Variants in KIAA1549L observed in about 807,000 individuals in gnomAD.
The protein encoded by KIAA1549L is KIAA1549 like, also known as UPF0606 protein KIAA1549L.
In KIAA1549L, 88 loss-of-function variants were observed where a neutral mutation model predicts 160.7. The observed-to-expected ratio is 0.55, with a 90% CI of 0.46 to 0.65. The LOEUF (loss-of-function observed/expected upper bound fraction) is 0.65. Ranked by LOEUF, KIAA1549L falls within the 30% of genes least tolerant of loss-of-function variation. The pLI is 0.00. For missense variants in KIAA1549L, 2,258 were observed against 2,437.5 expected, an observed-to-expected ratio of 0.93 and a Z score of 1.55; for synonymous variants, 950 against 976.7, an observed-to-expected ratio of 0.97 and a Z score of 0.51.
At chr11:33,419,145 T>A (rs1040606031) in intron 1 of KIAA1549L, among the ~76,000 whole-genome samples, 1 of 152,190 alleles carries the variant, frequency 6.6e-6, no homozygotes, top group African/African-American at 2.4e-5. Context: ...AGTGCTGGGA[T>A]TACAGGCATG....
At chr11:33,381,099 G>T (rs1028601391) in intron 1 of KIAA1549L, among the ~76,000 whole-genome samples, 1 of 151,972 alleles carries the variant, frequency 6.6e-6, no homozygotes, top group Admixed American at 6.6e-5. Context: ...TACCAGTCAC[G>T]TGAAGATCTC....
chr11:33,582,427 A>G (rs570440285), intron 10 of KIAA1549L, among the ~76,000 whole-genome samples: 1 of 152,342 alleles, frequency 6.6e-6, no homozygotes, highest in East Asian at 1.9e-4. Flanking sequence ...CAAGTTCAGC[A>G]GGATCAGGAG....
chr11:33,654,539 C>T (rs2133428501), intron 17 of KIAA1549L, among the ~76,000 whole-genome samples: 1 of 152,320 alleles, frequency 6.6e-6, no homozygotes, highest in Admixed American at 6.5e-5. Flanking sequence ...TCATTGCCAT[C>T]CATCCTCCCT....
intron 1 of KIAA1549L, among the ~76,000 whole-genome samples, chr11:33,392,347 A>G (rs1470364524): frequency 1.3e-5 from 2 of 152,182 alleles, no homozygotes; most frequent in East Asian, 1.9e-4. Flanking sequence ...CTATCCATCA[A>G]TTCATCTTAT....
chr11:33,589,181 C>T (rs1040099956), intron 11 of KIAA1549L, among the ~76,000 whole-genome samples: 1 of 152,128 alleles, frequency 6.6e-6, no homozygotes, highest in African/African-American at 2.4e-5. Flanking sequence ...CACTGGCCAT[C>T]AGAGAAATGC....
intron 1 of KIAA1549L, among the ~76,000 whole-genome samples, chr11:33,425,443 T>C (rs1851097008): frequency 6.6e-6 from 1 of 152,248 alleles, no homozygotes; most frequent in South Asian, 2.1e-4. Context: ...CTGACAACTG[T>C]GTTTTATACT....
chr11:33,587,876 G>A (rs1038493620), intron 11 of KIAA1549L, among the ~76,000 whole-genome samples: 1 of 152,200 alleles, frequency 6.6e-6, no homozygotes, highest in Admixed American at 6.5e-5. Flanking sequence ...GACAGGCCAG[G>A]AGTGTTGCAT....
intron 1 of KIAA1549L, among the ~76,000 whole-genome samples, chr11:33,449,439 A>G (rs949324993): frequency 2.6e-5 from 4 of 152,160 alleles, no homozygotes; most frequent in African/African-American, 7.2e-5. Flanking sequence ...CAATGAGACT[A>G]TTGAGGTCAT....
At chr11:33,574,219 A>G (rs1176366301) in intron 9 of KIAA1549L, among the ~76,000 whole-genome samples, 1 of 151,842 alleles carries the variant, frequency 6.6e-6, no homozygotes, top group Non-Finnish European at 1.5e-5. Context: ...AAAAAAAAAA[A>G]AAGCAAAACC....
chr11:33,517,061 C>G (rs1290090536), intron 1 of KIAA1549L, among the ~76,000 whole-genome samples: 3 of 152,220 alleles, frequency 2.0e-5, no homozygotes, highest in Admixed American at 2.0e-4. Context: ...AACATCTGCT[C>G]TGCCTATAGA....
intron 1 of KIAA1549L, among the ~76,000 whole-genome samples, chr11:33,423,628 A>G (rs1851062152): frequency 6.6e-6 from 1 of 152,200 alleles, no homozygotes; most frequent in African/African-American, 2.4e-5. Context: ...TTTCTACTCA[A>G]TGGGTGCCAA....
At chr11:33,459,732 C>T (rs977840323) in intron 1 of KIAA1549L, among the ~76,000 whole-genome samples, 20 of 151,634 alleles carry the variant, frequency 1.3e-4, no homozygotes, top group African/African-American at 3.9e-4. Context: ...GAGGCCGAGG[C>T]GGGCGGATCA....
At position 33,659,568 on chromosome 11, in the gene KIAA1549L, C is replaced by T. The variant is rs190847983; in HGVS notation, c.6007+670C>T. 5.6e-3 allele frequency among the ~76,000 whole-genome samples: 851 copies of T among 152,324 alleles called. 6 individuals are homozygous for T. Among genetic ancestry groups the T allele is most frequent in the Non-Finnish European group, 8.5e-3 (576 of 68,024 alleles). On this transcript the variant is annotated intron_variant, in intron 19 of 20. Transcript: ENST00000658780. ...AATGAACATTGAGGTTTGTACATGA[C>T]GTAATTGGTTTCTTAGTTTATCCAA...
intron 10 of KIAA1549L, 146 bp from the exon 11 acceptor site, chr11:33,583,192 A>T: frequency 1.5e-6 from 1 of 661,234 alleles, no homozygotes; most frequent in South Asian, 2.0e-5. Flanking sequence ...ACAGCTGCGG[A>T]GGTGGAGGCT....
At chr11:33,520,220 A>T (rs966234921) in intron 1 of KIAA1549L, among the ~76,000 whole-genome samples, 3 of 152,162 alleles carry the variant, frequency 2.0e-5, no homozygotes, top group Admixed American at 6.5e-5. Context: ...GCTATACAGT[A>T]GATCTCCAGA....
intron 9 of KIAA1549L, among the ~76,000 whole-genome samples, chr11:33,572,571 T>A (rs1304240543): frequency 6.6e-6 from 1 of 152,250 alleles, no homozygotes; most frequent in Non-Finnish European, 1.5e-5. Context: ...TACTCTTTTG[T>A]ATAAAGCTTT....
intron 1 of KIAA1549L, among the ~76,000 whole-genome samples, chr11:33,435,796 A>ATGTGTGTGTGTGTGTGTGTGTG (rs1394942738): frequency 2.9e-5 from 1 of 34,662 alleles, no homozygotes; most frequent in Middle Eastern, 0.019. Context: ...ATATATATAT[A>ATGTGTGTGTGTGTGTGTGTGTG]TATATATATA....
chr11:33,558,689 A>G (rs1590342653), intron 6 of KIAA1549L, among the ~76,000 whole-genome samples: 1 of 152,326 alleles, frequency 6.6e-6, no homozygotes, highest in East Asian at 1.9e-4. Flanking sequence ...TTTTCCAGCA[A>G]CTGAAAAACT....
chr11:33,513,264 C>A (rs1442433425), intron 1 of KIAA1549L, among the ~76,000 whole-genome samples: 15 of 152,170 alleles, frequency 9.9e-5, no homozygotes. Context: ...AGAGTGGAGT[C>A]TTCTCATGGA....
Sources: gnomAD v4.1 joint callset for allele counts (sites outside exome capture counted in the v4.1 genomes callset) on GRCh38, gnomAD v4.1.1 for gene constraint, MANE v1.5 for transcripts, NCBI Gene and HGNC (gene_info 2026-07-23, HGNC 2026-07-21) for gene names.